Variants in HDAC9 observed in about 807,000 individuals in gnomAD.
HDAC9 encodes the protein histone deacetylase 9.
Under a neutral mutation model 139.4 loss-of-function variants are expected in HDAC9, and 41 were observed. That is an observed-to-expected ratio of 0.29 (90% CI 0.23 to 0.38). The LOEUF is 0.38. Among genes scored for constraint, HDAC9 ranks in the 10% least tolerant of loss-of-function variants. The pLI is 1.00. For missense variants in HDAC9, 1,147 were observed against 1,297.0 expected, an observed-to-expected ratio of 0.88 and a Z score of 1.78; for synonymous variants, 517 against 476.2, an observed-to-expected ratio of 1.09 and a Z score of -1.12.
intron 11 of HDAC9, among the ~76,000 whole-genome samples, chr7:18,663,124 G>T (rs1793726870): frequency 6.6e-6 from 1 of 152,048 alleles, no homozygotes; most frequent in African/African-American, 2.4e-5. Context: ...ATGAGGAATG[G>T]TTGGAGTCAG....
intron 9 of HDAC9, among the ~76,000 whole-genome samples, chr7:18,645,498 A>T (rs1315566938): frequency 6.6e-6 from 1 of 152,144 alleles, no homozygotes; most frequent in Non-Finnish European, 1.5e-5. Flanking sequence ...CTTTGCCTTA[A>T]AATTTCCTAG....
In HDAC9 at chr7:18,425,425, T is replaced by C. The variant is rs1202310785; in HGVS notation, c.-41-70837T>C. 2.0e-5 allele frequency among the ~76,000 whole-genome samples: 3 copies of C among 152,188 alleles called. 1 individual carries two copies. The highest frequency in any genetic ancestry group is 7.2e-5 in the African/African-American group (3 of 41,444). ...GAGCTGAAGGTGGCATGACACATTT[T>C]CCCATTCACAGCTGAGTGGGCAGGT... is the stretch of plus-strand genomic sequence containing the variant. On this transcript the variant is annotated intron_variant, in intron 1 of 3. Transcript: ENST00000413509.
At chr7:18,746,791 T>C (rs1007565480) in intron 13 of HDAC9, among the ~76,000 whole-genome samples, 1 of 152,146 alleles carries the variant, frequency 6.6e-6, no homozygotes, top group Non-Finnish European at 1.5e-5. Flanking sequence ...ACGACTATCA[T>C]CTGCACTCTC....
intron 23 of HDAC9, among the ~76,000 whole-genome samples, chr7:18,948,276 C>T (rs1213872138): frequency 6.6e-6 from 1 of 151,880 alleles, no homozygotes; most frequent in Non-Finnish European, 1.5e-5. Context: ...ATAAATCTTT[C>T]ACTATTTACA....
chr7:18,610,992 G>T (rs1185938125), intron 6 of HDAC9, among the ~76,000 whole-genome samples: 1 of 152,014 alleles, frequency 6.6e-6, no homozygotes, highest in African/African-American at 2.4e-5. Context: ...TTTAAAAACC[G>T]CTGCTAACAA....
At chr7:18,128,989 C>T (rs1784843502) in intron 1 of HDAC9, among the ~76,000 whole-genome samples, 1 of 152,104 alleles carries the variant, frequency 6.6e-6, no homozygotes, top group Non-Finnish European at 1.5e-5. Context: ...TCTGGATTTC[C>T]AGAGCGCATT....
At chr7:18,880,137 T>G (rs1799622729) in intron 22 of HDAC9, among the ~76,000 whole-genome samples, 1 of 152,024 alleles carries the variant, frequency 6.6e-6, no homozygotes, top group Admixed American at 6.6e-5. Flanking sequence ...GAATGGCTAT[T>G]AAGAAAAAGT....
At chr7:18,117,951 A>G (rs575368164) in intron 1 of HDAC9, among the ~76,000 whole-genome samples, 3 of 152,258 alleles carry the variant, frequency 2.0e-5, no homozygotes, top group East Asian at 3.9e-4. Flanking sequence ...TTATGTTATT[A>G]TCATACACAT....
At chr7:18,994,210 A>G (rs572140495) in intron 25 of HDAC9, among the ~76,000 whole-genome samples, 1 of 152,234 alleles carries the variant, frequency 6.6e-6, no homozygotes, top group Admixed American at 6.5e-5. Flanking sequence ...GATTCGGGGG[A>G]AAAGATTATC....
At chr7:18,632,567 GA>G (rs1025105086) in intron 7 of HDAC9, among the ~76,000 whole-genome samples, 7 of 152,088 alleles carry the variant, frequency 4.6e-5, no homozygotes, top group Non-Finnish European at 1.0e-4. Flanking sequence ...GCATGAACTG[GA>G]AAAGTATTTG....
intron 1 of HDAC9, among the ~76,000 whole-genome samples, chr7:18,339,616 CAT>C (rs1243867772): frequency 2.0e-5 from 3 of 151,336 alleles, no homozygotes; most frequent in African/African-American, 4.8e-5. Context: ...ATAAAAATAA[CAT>C]ATTTCCTATT....
intron 1 of HDAC9, among the ~76,000 whole-genome samples, chr7:18,442,902 A>G (rs1002146926): frequency 2.6e-5 from 4 of 152,190 alleles, no homozygotes; most frequent in African/African-American, 7.2e-5. Flanking sequence ...TGTGAGTCTA[A>G]TAAGATCACA....
chr7:18,617,980 A>T (rs1466670980), intron 6 of HDAC9, among the ~76,000 whole-genome samples: 1 of 152,200 alleles, frequency 6.6e-6, no homozygotes, highest in South Asian at 2.1e-4. Context: ...AAAATTTTTC[A>T]TGTTAGCAAG....
chr7:18,945,906 G>A (rs1782352588), intron 23 of HDAC9, among the ~76,000 whole-genome samples: 1 of 151,412 alleles, frequency 6.6e-6, no homozygotes. Flanking sequence ...GCGTGGTGGT[G>A]CGCACCTGTA....
intron 2 of HDAC9, among the ~76,000 whole-genome samples, chr7:18,180,056 C>T (rs926061818): frequency 6.6e-6 from 1 of 152,246 alleles, no homozygotes; most frequent in African/African-American, 2.4e-5. Flanking sequence ...TTTAGGTTTG[C>T]TCACTTTTGA....
intron 17 of HDAC9, among the ~76,000 whole-genome samples, chr7:18,806,545 T>C (rs1013356278): frequency 6.6e-6 from 1 of 152,250 alleles, no homozygotes; most frequent in Non-Finnish European, 1.5e-5. Flanking sequence ...TCTGTCATTA[T>C]GTCTCTCTGT....
At chr7:18,984,715 C>A (rs891072409) in intron 25 of HDAC9, among the ~76,000 whole-genome samples, 1 of 151,952 alleles carries the variant, frequency 6.6e-6, no homozygotes, top group Admixed American at 6.6e-5. Context: ...GATGATAATG[C>A]CATTAGCTGA....
chr7:18,747,147 A>G (rs1210875195), intron 13 of HDAC9, among the ~76,000 whole-genome samples: 1 of 152,206 alleles, frequency 6.6e-6, no homozygotes, highest in Admixed American at 6.6e-5. Context: ...AGAGAACAAA[A>G]GAGGGAGATA....
chr7:18,322,487 C>T (rs1458796333), intron 1 of HDAC9, among the ~76,000 whole-genome samples: 1 of 152,172 alleles, frequency 6.6e-6, no homozygotes, highest in African/African-American at 2.4e-5. Context: ...TCAAGGCTTA[C>T]TTAATGGGAA....
Sources: allele counts gnomAD v4.1 joint callset (sites outside exome capture counted in the v4.1 genomes callset), GRCh38; gene constraint gnomAD v4.1.1; transcripts MANE v1.5; gene names NCBI Gene and HGNC (gene_info 2026-07-23, HGNC 2026-07-21).